The following SHOC1 variants were observed in gnomAD, a reference collection of about 807,000 sequenced individuals.
SHOC1 encodes protein shortage in chiasmata 1 ortholog.
A neutral mutation model predicts 179.2 loss-of-function variants in SHOC1; 136 were observed. The observed-to-expected ratio is 0.76, with a 90% CI of 0.66 to 0.87. The LOEUF (loss-of-function observed/expected upper bound fraction) is 0.87. SHOC1 is among the 40% of genes least tolerant of loss of function. SHOC1 has a pLI of 0.00. For synonymous variants in SHOC1, 489 were observed against 586.6 expected (o/e 0.83, Z 2.41); for missense variants, 1,538 against 1,700.8 (o/e 0.90, Z 1.68).
chr9:111,702,389 AG>A (rs1832020638), intron 22 of SHOC1, among the ~76,000 whole-genome samples, 163 bp from the exon 23 acceptor site: 1 of 152,244 alleles, frequency 6.6e-6, no homozygotes, highest in African/African-American at 2.4e-5. Flanking sequence ...AGGAAGTAGT[AG>A]GAGAAAAGCT....
chr9:111,728,888 C>A (rs1313059871), intron 12 of SHOC1, among the ~76,000 whole-genome samples: 2 of 152,150 alleles, frequency 1.3e-5, no homozygotes, highest in Non-Finnish European at 2.9e-5. Flanking sequence ...TCTCGACCAT[C>A]ACAATAAAGT....
chr9:111,687,369 A>T (rs942047699), intron 27 of SHOC1, among the ~76,000 whole-genome samples: 4 of 152,254 alleles, frequency 2.6e-5, no homozygotes, highest in Non-Finnish European at 4.4e-5. Flanking sequence ...TGTTTTTAAC[A>T]TAAATGCCTC....
At chr9:111,759,445 C>A (rs1394741325) in intron 5 of SHOC1, 1 of 1,294,650 alleles carries the variant, frequency 7.7e-7, no homozygotes, top group Non-Finnish European at 9.8e-7. Context: ...AGAAACACTA[C>A]TGCTAACAGT....
At chr9:111,775,559 A>G (rs769746682) in intron 5 of SHOC1, among the ~76,000 whole-genome samples, 3 of 152,342 alleles carry the variant, frequency 2.0e-5, no homozygotes, top group Middle Eastern at 3.4e-3. Flanking sequence ...ACTATGATCA[A>G]ATCTCTGCAG....
Position 111,714,505 on chromosome 9 carries a change from G to C in SHOC1, c.2355C>G (p.Tyr785Ter), listed in dbSNP as rs753872329. Residue 785 changes from tyrosine to a stop codon, truncating the protein, a stop_gained, in exon 17 of 28, where the codon TAC becomes TAG. Transcript: ENST00000682961. LOFTEE classifies it high-confidence loss of function. ...TCTGACATTGCAATTCTTGTATCTT[G>C]TAGTTGGTTTCAGGCTTTTTCCCCC... ...FIRGKKPETN[Y>*]KIQELQCQIL... The C allele has an allele frequency of 6.2e-7, 1 of 1,613,842 alleles. No homozygotes were observed. The highest frequency in any genetic ancestry group is 2.2e-5 in the East Asian group (1 of 44,828).
At chr9:111,749,513 T>C (rs1834464413) in intron 8 of SHOC1, among the ~76,000 whole-genome samples, 1 of 152,166 alleles carries the variant, frequency 6.6e-6, no homozygotes, top group Non-Finnish European at 1.5e-5. Context: ...TCAGAAGTTA[T>C]ACATGTTATC....
intron 12 of SHOC1, among the ~76,000 whole-genome samples, chr9:111,732,484 T>C (rs1161700448): frequency 6.6e-6 from 1 of 152,166 alleles, no homozygotes; most frequent in East Asian, 1.9e-4. Flanking sequence ...ATAACTTTTA[T>C]TCACAATAAT....
intron 2 of SHOC1, 95 bp downstream of exon 2, chr9:111,791,279 T>C (rs780093979): frequency 1.7e-5 from 10 of 598,920 alleles, no homozygotes; most frequent in Non-Finnish European, 2.3e-5. Context: ...ATCCTAAGCA[T>C]TTCAGATAAG....
chr9:111,718,177 C>A lies in SHOC1; in HGVS notation c.2236+7G>T. On this transcript the variant is annotated splice_region_variant and intron_variant, in intron 16 of 27. Transcript: ENST00000682961. ...AGAAAAGAGGAAATAAAATATTCCC[C>A]ACCAACCCAATGCTGTGTCCAAGCT... is the stretch of plus-strand genomic sequence containing the variant. 1 of 1,550,340 alleles carries A rather than the reference C, an allele frequency of 6.5e-7. No individual in the cohort carries two copies. The highest frequency in any genetic ancestry group is 8.7e-7 in the Non-Finnish European group (1 of 1,150,932).
chr9:111,695,095 A>T (rs1330715374), intron 24 of SHOC1, among the ~76,000 whole-genome samples: 1 of 151,964 alleles, frequency 6.6e-6, no homozygotes, highest in Non-Finnish European at 1.5e-5. Context: ...TGAAATGTCA[A>T]CCTTCTTTTT....
Position 111,756,366 on chromosome 9 carries a change from A to T in SHOC1, c.821T>A (p.Ile274Lys). ...LKELLNPVPEIINYVDEKEKL... is the reference protein window; with the variant it reads ...LKELLNPVPEKINYVDEKEKL... ...TTCCTTTTCATCTACATAGTTTATT[A>T]TTTCTGGCACTGGGTTTAATAACTC... The change falls in exon 8 of 28, where the codon ATA becomes AAA. Residue 274 changes from isoleucine (I) to lysine (K), a missense_variant. Coordinates refer to ENST00000682961, the MANE Select transcript of SHOC1 (RefSeq NM_001378211.1). 1 of 1,609,416 alleles carries T rather than the reference A, an allele frequency of 6.2e-7. No homozygotes were observed. The highest frequency in any genetic ancestry group is 8.5e-7 in the Non-Finnish European group (1 of 1,178,368).
At chr9:111,769,642 A>T (rs1835487799) in intron 5 of SHOC1, among the ~76,000 whole-genome samples, 1 of 151,834 alleles carries the variant, frequency 6.6e-6, no homozygotes, top group Non-Finnish European at 1.5e-5. Context: ...CAATTGGCTA[A>T]TATTTTTTGT....
intron 8 of SHOC1, among the ~76,000 whole-genome samples, chr9:111,748,561 T>C (rs562954849): frequency 4.7e-4 from 72 of 152,318 alleles, no homozygotes; most frequent in Non-Finnish European, 9.3e-4. Context: ...ATGATGACTT[T>C]CTATGCCTTG....
At chr9:111,700,111 C>T in intron 23 of SHOC1, 64 bp from the exon 24 acceptor site, 2 of 917,748 alleles carry the variant, frequency 2.2e-6, no homozygotes, top group South Asian at 1.9e-5. Context: ...ATTAAAAATT[C>T]ATTTTGTTTT....
At chr9:111,720,753 T>C (rs541958958) in intron 15 of SHOC1, among the ~76,000 whole-genome samples, 8 of 152,256 alleles carry the variant, frequency 5.3e-5, no homozygotes, top group Non-Finnish European at 8.8e-5. Context: ...GCATCCACTA[T>C]ATTTTTCATC....
At chr9:111,781,750 A>AAATAAATTAATTAATTAATTAATT (rs765900257) in intron 3 of SHOC1, among the ~76,000 whole-genome samples, 8,676 of 150,926 alleles carry the variant, frequency 0.057, 305 homozygotes, top group Non-Finnish European at 0.08. Context: ...ATAAATAAAT[A>AAATAAATTAATTAATTAATTAATT]AATTTGTATG....
At position 111,741,660 on chromosome 9, in the gene SHOC1, G is replaced by C. The variant is rs528541306; in HGVS notation, c.1080-90C>G. ...TTTTATTTTATTTTTTTGAGGCAGA[G>C]TCTCGCTCTGTCGCCCAGGCTGGGG... On this transcript the variant is annotated intron_variant, in intron 10 of 27. Transcript: ENST00000682961. 6.5e-6 allele frequency: 4 copies of C among 616,202 alleles called. No homozygotes were observed. In the African/African-American group the frequency reaches 7.7e-5, roughly 12 times the overall value. The allele number at this position is 616,202 out of a possible 1,614,324, so 38.2% of individuals were successfully genotyped here.
At chr9:111,794,551 G>A (rs111522444) in intron 1 of SHOC1, among the ~76,000 whole-genome samples, 28,646 of 152,088 alleles carry the variant, frequency 0.19, 2,894 homozygotes, top group Non-Finnish European at 0.22. Flanking sequence ...GCCACTGCAC[G>A]CCAGCCTGGG....
Position 111,692,433 on chromosome 9 carries a change from C to A in SHOC1, c.3544G>T (p.Glu1182Ter). Residue 1182 changes from glutamate to a stop codon, truncating the protein, a stop_gained, in exon 27 of 28, where the codon GAA (glutamate) becomes TAA (stop). Coordinates refer to ENST00000682961, the MANE Select transcript of SHOC1 (RefSeq NM_001378211.1). LOFTEE classifies it high-confidence loss of function. Reference sequence around the variant, plus strand: ...AAGGTACTAATCTGATTCCTATTTTCCTGAGGTGACGAAATTTGCGGTGAT... The same window carrying A: ...AAGGTACTAATCTGATTCCTATTTTACTGAGGTGACGAAATTTGCGGTGAT... ...TKSPQISSPQ[E>*]NRNQISTLSS... 6.2e-7 allele frequency: 1 copy of A among 1,610,846 alleles called. No homozygotes were observed. The highest frequency in any genetic ancestry group is 8.5e-7 in the Non-Finnish European group (1 of 1,178,732).
Sources: allele counts gnomAD v4.1 joint callset (sites outside exome capture counted in the v4.1 genomes callset), GRCh38; gene constraint gnomAD v4.1.1; transcripts MANE v1.5; gene names NCBI Gene and HGNC (gene_info 2026-07-23, HGNC 2026-07-21).